Variants in KALRN observed in about 807,000 individuals in gnomAD.
The protein encoded by KALRN is kalirin.
In KALRN, 70 loss-of-function variants were observed where a neutral mutation model predicts 353.7. That is an observed-to-expected ratio of 0.20 (90% CI 0.16 to 0.24). The LOEUF (loss-of-function observed/expected upper bound fraction) is 0.24. Ranked by LOEUF, KALRN falls within the 10% of genes least tolerant of loss-of-function variation. The pLI is 1.00. For synonymous variants in KALRN, 1,391 were observed against 1,434.8 expected (o/e 0.97, Z 0.69); for missense variants, 2,791 against 3,756.7 (o/e 0.74, Z 6.72).
At chr3:124,421,775 C>T (rs2092794068) in intron 14 of KALRN, among the ~76,000 whole-genome samples, 1 of 152,156 alleles carries the variant, frequency 6.6e-6, no homozygotes, top group South Asian at 2.1e-4. Context: ...ATGAAGGCTA[C>T]CTTGGGCCTG....
intron 5 of KALRN, among the ~76,000 whole-genome samples, chr3:124,279,103 G>T (rs543113061): frequency 6.6e-6 from 1 of 151,758 alleles, no homozygotes; most frequent in Non-Finnish European, 1.5e-5. Context: ...TCCTTCCTTG[G>T]TCAGAGTTAA....
chr3:124,663,649 C>G (rs2085184811), intron 45 of KALRN, among the ~76,000 whole-genome samples: 1 of 152,146 alleles, frequency 6.6e-6, no homozygotes, highest in African/African-American at 2.4e-5. Context: ...TCTTTTATTT[C>G]CCAGCAGTCT....
At chr3:124,157,815 T>G (rs1349507613) in intron 1 of KALRN, among the ~76,000 whole-genome samples, 1 of 152,148 alleles carries the variant, frequency 6.6e-6, no homozygotes, top group African/African-American at 2.4e-5. Flanking sequence ...TGTCTTTTCT[T>G]CCCTTTTGTC....
chr3:124,439,200 T>TTACA lies in KALRN; in HGVS notation c.3198+163_3198+164insTACA, dbSNP rs1395318707. 3.5e-3 allele frequency among the ~76,000 whole-genome samples: 342 copies of TTACA among 98,962 alleles called. 5 individuals carry two copies. Among genetic ancestry groups the TTACA allele is most frequent in the African/African-American group, 0.012 (335 of 28,426 alleles). 64.9% of individuals were successfully genotyped at this position (98,962 alleles called of 152,430 possible). A position where few individuals can be genotyped will look rare whatever the true frequency, so the allele number is the denominator to read the frequency against. On this transcript the variant is annotated intron_variant, in intron 18 of 59. Transcript: ENST00000682506. Reference sequence around the variant, plus strand: ...TCCTTCTTCTCCTTCTCTCTCTCTCTCACACACACACACACACACACACAC... The same window carrying TTACA: ...TCCTTCTTCTCCTTCTCTCTCTCTCTTACACACACACACACACACACACACACAC...
chr3:124,569,580 A>G (rs1386267297), intron 34 of KALRN, among the ~76,000 whole-genome samples: 1 of 152,206 alleles, frequency 6.6e-6, no homozygotes, highest in Non-Finnish European at 1.5e-5. Flanking sequence ...TCAAAGTCAC[A>G]TAGCTGACAA....
intron 37 of KALRN, among the ~76,000 whole-genome samples, chr3:124,646,322 G>A (rs59760668): frequency 9.2e-5 from 14 of 151,366 alleles, no homozygotes; most frequent in African/African-American, 3.4e-4. Flanking sequence ...CTGGACTGTT[G>A]GAAATCATTT....
At chr3:124,280,393 C>T (rs1412485940) in intron 5 of KALRN, among the ~76,000 whole-genome samples, 2 of 152,200 alleles carry the variant, frequency 1.3e-5, no homozygotes, top group East Asian at 1.9e-4. Flanking sequence ...CTACTCTCTT[C>T]CTTCCCCTGC....
chr3:124,111,041 G>A (rs192394277), intron 1 of KALRN, among the ~76,000 whole-genome samples: 85 of 152,196 alleles, frequency 5.6e-4, no homozygotes, highest in African/African-American at 2.0e-3. Context: ...ACTTCTCCTA[G>A]GTTTTGACCT....
chr3:124,038,034 G>A (rs1214003227), intron 1 of KALRN, among the ~76,000 whole-genome samples: 1 of 152,190 alleles, frequency 6.6e-6, no homozygotes, highest in African/African-American at 2.4e-5. Flanking sequence ...TGATTTGGAA[G>A]GTTGGATGCA....
intron 1 of KALRN, among the ~76,000 whole-genome samples, chr3:124,206,730 T>G (rs752118237): frequency 1.3e-5 from 2 of 152,210 alleles, no homozygotes; most frequent in Non-Finnish European, 2.9e-5. Flanking sequence ...CTTTGCTGAG[T>G]GTACCAGCTG....
At chr3:124,253,836 C>T (rs1354921260) in intron 3 of KALRN, among the ~76,000 whole-genome samples, 1 of 152,226 alleles carries the variant, frequency 6.6e-6, no homozygotes, top group South Asian at 2.1e-4. Flanking sequence ...AACCAGCCCC[C>T]AGCAGCACAC....
At chr3:124,524,842 G>T (rs1423620112) in intron 33 of KALRN, among the ~76,000 whole-genome samples, 1 of 152,188 alleles carries the variant, frequency 6.6e-6, no homozygotes, top group African/African-American at 2.4e-5. Flanking sequence ...AACCAAAAGT[G>T]CAGTCAGAGT....
rs181570909 is a variant in KALRN, at chr3:124,236,614, G to T, written c.263+1671G>T. Among the ~76,000 whole-genome samples the T allele has an allele frequency of 6.7e-3, 1,025 of 152,238 alleles. 6 individuals are homozygous for T. Among genetic ancestry groups the T allele is most frequent in the South Asian group, 0.016 (78 of 4,812 alleles). ...CATCACATAGCTGCAGCTAATTGATGCTCATCTTTTCTTTAGAATAAAGAG... is the reference window on the plus strand; with the variant it reads ...CATCACATAGCTGCAGCTAATTGATTCTCATCTTTTCTTTAGAATAAAGAG... On this transcript the variant is annotated intron_variant, in intron 3 of 59. Transcript: ENST00000682506.
At chr3:124,120,076 A>G (rs1292056302) in intron 1 of KALRN, among the ~76,000 whole-genome samples, 2 of 152,202 alleles carry the variant, frequency 1.3e-5, no homozygotes, top group Non-Finnish European at 2.9e-5. Context: ...GTTGTGGCTT[A>G]TCAGAGCAAA....
At chr3:124,454,201 G>GT (rs1226918656) in intron 21 of KALRN, among the ~76,000 whole-genome samples, 1 of 152,210 alleles carries the variant, frequency 6.6e-6, no homozygotes, top group Non-Finnish European at 1.5e-5. Flanking sequence ...TCTGCTCATT[G>GT]TATTTATTTA....
intron 1 of KALRN, among the ~76,000 whole-genome samples, chr3:124,143,697 A>G (rs533035295): frequency 2.0e-4 from 30 of 152,320 alleles, no homozygotes; most frequent in African/African-American, 5.8e-4. Flanking sequence ...TAGTGATGGA[A>G]TGCCATCTAT....
intron 23 of KALRN, among the ~76,000 whole-genome samples, chr3:124,460,365 G>A (rs556283416): frequency 6.6e-6 from 1 of 152,294 alleles, no homozygotes; most frequent in East Asian, 1.9e-4. Flanking sequence ...AAGGATGGGT[G>A]GAAAATAAAA....
At chr3:124,523,099 T>G (rs573255505) in intron 33 of KALRN, among the ~76,000 whole-genome samples, 6 of 152,374 alleles carry the variant, frequency 3.9e-5, no homozygotes, top group Non-Finnish European at 7.3e-5. Flanking sequence ...AATGAATTAT[T>G]ACATTTTATA....
At chr3:124,670,910 C>G (rs2086340243) in intron 47 of KALRN, among the ~76,000 whole-genome samples, 1 of 152,192 alleles carries the variant, frequency 6.6e-6, no homozygotes, top group Non-Finnish European at 1.5e-5. Context: ...CTGAGCCATC[C>G]TCGATTCTTG....
Sources: gnomAD v4.1 joint callset for allele counts (sites outside exome capture counted in the v4.1 genomes callset) on GRCh38, gnomAD v4.1.1 for gene constraint, MANE v1.5 for transcripts, NCBI Gene and HGNC (gene_info 2026-07-23, HGNC 2026-07-21) for gene names.